The following MRTFA variants were observed in gnomAD, a reference collection of about 807,000 sequenced individuals.
MRTFA encodes myocardin related transcription factor A.
A neutral mutation model predicts 83.5 loss-of-function variants in MRTFA; 20 were observed. The observed-to-expected ratio is 0.24, with a 90% CI of 0.17 to 0.35. The LOEUF is 0.35. Ranked by LOEUF, MRTFA falls within the 10% of genes least tolerant of loss-of-function variation. The probability of loss-of-function intolerance (pLI) is 1.00; values close to 1 mark genes in which losing one functional copy is unlikely to be tolerated. For synonymous variants in MRTFA, 659 were observed against 541.2 expected (o/e 1.22, Z -3.02); for missense variants, 1,200 against 1,224.7 (o/e 0.98, Z 0.30).
intron 3 of MRTFA, among the ~76,000 whole-genome samples, chr22:40,509,620 T>C (rs2147239333): frequency 6.6e-6 from 1 of 152,338 alleles, no homozygotes; most frequent in South Asian, 2.1e-4. Context: ...AATTTTTGTT[T>C]ATACCTGATA....
intron 3 of MRTFA, among the ~76,000 whole-genome samples, chr22:40,508,994 G>A (rs763222623): frequency 2.0e-5 from 3 of 152,148 alleles, no homozygotes; most frequent in Non-Finnish European, 4.4e-5. Context: ...AGAAAAGATG[G>A]TAGACAGTAT....
rs73887807 is a variant in MRTFA at position 40,416,519 on chromosome 22, A to T, written c.2578+467T>A. The stretch of plus-strand genomic sequence containing the variant: ...ATGAAGGCCTTCTTCCCCTTTCCTC[A>T]ACTCCACTCCAACCCGCCAGGTACT... On this transcript the variant is annotated intron_variant, in intron 14 of 14. Coordinates refer to ENST00000355630, the MANE Select transcript of MRTFA (RefSeq NM_020831.6). The surrounding 1 kb of genome is among the most constrained non-coding windows in gnomAD (Gnocchi z 4.2). 0.018 allele frequency among the ~76,000 whole-genome samples: 2,730 copies of T among 152,030 alleles called. 83 individuals are homozygous for T. Among genetic ancestry groups the T allele is most frequent in the African/African-American group, 0.063 (2,618 of 41,434 alleles).
chr22:40,636,436 G>A (rs2056701649), intron 1 of MRTFA, 42 bp downstream of exon 1: 2 of 152,262 alleles, frequency 1.3e-5, no homozygotes, highest in African/African-American at 2.4e-5. Context: ...GCGGGGCGAG[G>A]CCGCGGTGGG....
chr22:40,453,158 T>C (rs1367436571), intron 4 of MRTFA, among the ~76,000 whole-genome samples: 2 of 152,326 alleles, frequency 1.3e-5, no homozygotes, highest in East Asian at 3.9e-4. Flanking sequence ...ACTCTAGGGA[T>C]CAGGTCAGCC....
At chr22:40,596,564 G>A (rs1390467032) in intron 1 of MRTFA, among the ~76,000 whole-genome samples, 7 of 152,204 alleles carry the variant, frequency 4.6e-5, no homozygotes, top group African/African-American at 1.4e-4. Flanking sequence ...CACTTTGGGA[G>A]GCCAAGGCGG....
At chr22:40,476,400 C>G (rs755483801) in intron 3 of MRTFA, among the ~76,000 whole-genome samples, 3 of 152,108 alleles carry the variant, frequency 2.0e-5, no homozygotes, top group Non-Finnish European at 4.4e-5. Flanking sequence ...CTACAGCATC[C>G]AATGGAATTG....
intron 1 of MRTFA, among the ~76,000 whole-genome samples, chr22:40,620,863 A>G (rs889617314): frequency 9.9e-5 from 15 of 152,132 alleles, no homozygotes; most frequent in African/African-American, 3.6e-4. Context: ...ACTTGGACTG[A>G]AAGGACAAAT....
At chr22:40,421,227 A>C in intron 9 of MRTFA, 127 bp from the exon 10 acceptor site, 4 of 1,098,110 alleles carry the variant, frequency 3.6e-6, no homozygotes, top group Middle Eastern at 2.5e-4. Context: ...GCCCATTTCC[A>C]CTCTTCCCTG....
At chr22:40,527,444 A>G (rs1402296643) in intron 3 of MRTFA, among the ~76,000 whole-genome samples, 1 of 151,304 alleles carries the variant, frequency 6.6e-6, no homozygotes, top group African/African-American at 2.4e-5. Context: ...TTGTCGTTAT[A>G]AAGAAAATCT....
At chr22:40,533,564 A>C in intron 3 of MRTFA, 1 of 1,212,202 alleles carries the variant, frequency 8.2e-7, no homozygotes, top group Middle Eastern at 3.2e-4. Flanking sequence ...TTAGCAAGTT[A>C]GGAAATTAGG....
intron 3 of MRTFA, among the ~76,000 whole-genome samples, chr22:40,481,871 T>C (rs975599980): frequency 6.6e-6 from 1 of 152,014 alleles, no homozygotes; most frequent in African/African-American, 2.4e-5. Context: ...CCATCCTGGC[T>C]AACACGGTGA....
chr22:40,535,312 T>C (rs1400424957), intron 3 of MRTFA, among the ~76,000 whole-genome samples: 1 of 151,798 alleles, frequency 6.6e-6, no homozygotes, highest in Non-Finnish European at 1.5e-5. Context: ...TTGGTCCTTA[T>C]GTGGGCTGTA....
At chr22:40,415,339 C>CCCCAGGGA in intron 14 of MRTFA, 1 of 152,424 alleles carries the variant, frequency 6.6e-6, no homozygotes, top group East Asian at 1.9e-4. Flanking sequence ...GCGCCTCAGA[C>CCCCAGGGA]CCCAGGGACC....
At chr22:40,506,440 A>G (rs940607135) in intron 3 of MRTFA, among the ~76,000 whole-genome samples, 1 of 152,230 alleles carries the variant, frequency 6.6e-6, no homozygotes, top group Non-Finnish European at 1.5e-5. Context: ...ACTTCCCAGC[A>G]TAACTCAGTT....
At chr22:40,508,041 C>T (rs1602356459) in intron 3 of MRTFA, among the ~76,000 whole-genome samples, 1 of 148,168 alleles carries the variant, frequency 6.7e-6, no homozygotes, top group East Asian at 2.0e-4. Context: ...AGTACCTGGG[C>T]ACAGGTGCTG....
At chr22:40,622,447 C>T (rs145351698) in intron 1 of MRTFA, among the ~76,000 whole-genome samples, 11,912 of 146,244 alleles carry the variant, frequency 0.081, 708 homozygotes, top group East Asian at 0.25. Context: ...TGCCACTACA[C>T]TCCAGCCTGG....
chr22:40,452,106 C>T (rs925451000), intron 4 of MRTFA, among the ~76,000 whole-genome samples: 2 of 151,694 alleles, frequency 1.3e-5, no homozygotes, highest in African/African-American at 4.8e-5. Context: ...GCCTCAGCCT[C>T]CCGAGTAGCT....
chr22:40,470,275 A>ATATATG (rs1317515472), intron 3 of MRTFA, among the ~76,000 whole-genome samples: 25 of 120,396 alleles, frequency 2.1e-4, no homozygotes, highest in African/African-American at 7.7e-4. Flanking sequence ...ATATATATAT[A>ATATATG]TATATAAAGA....
intron 3 of MRTFA, among the ~76,000 whole-genome samples, chr22:40,520,437 G>A (rs531254531): frequency 6.6e-5 from 10 of 151,454 alleles, no homozygotes; most frequent in Admixed American, 4.0e-4. Flanking sequence ...GACGAGTCTC[G>A]TTCTGTCACC....
Sources: gnomAD v4.1 joint callset for allele counts (sites outside exome capture counted in the v4.1 genomes callset) on GRCh38, gnomAD v4.1.1 for gene constraint, Gnocchi (gnomAD v3.1) non-coding constraint, MANE v1.5 for transcripts, NCBI Gene and HGNC (gene_info 2026-07-23, HGNC 2026-07-21) for gene names.